The following ATP8B4 variants were observed in gnomAD, a reference collection of about 807,000 sequenced individuals.
ATP8B4 encodes probable phospholipid-transporting ATPase IM.
Under a neutral mutation model 145.6 loss-of-function variants are expected in ATP8B4, and 133 were observed. That is an observed-to-expected ratio of 0.91 (90% confidence interval 0.79 to 1.05). The LOEUF is 1.05. Among genes scored for constraint, ATP8B4 ranks in the 50% least tolerant of loss-of-function variants. ATP8B4 has a pLI of 0.00. For synonymous variants in ATP8B4, 507 were observed against 492.9 expected, an observed-to-expected ratio of 1.03 and a Z score of -0.38; for missense variants, 1,458 against 1,425.2, an observed-to-expected ratio of 1.02 and a Z score of -0.37.
At chr15:49,979,926 G>A (rs1006939705) in intron 11 of ATP8B4, 113 bp from the exon 12 acceptor site, 2 of 665,496 alleles carry the variant, frequency 3.0e-6, no homozygotes, top group East Asian at 5.4e-5. Context: ...AAGCAAGTAT[G>A]CAAACCTCTT....
intron 12 of ATP8B4, among the ~76,000 whole-genome samples, chr15:49,976,143 T>C (rs1347159455): frequency 6.6e-6 from 1 of 152,140 alleles, no homozygotes; most frequent in African/African-American, 2.4e-5. Context: ...CTCCCTGAAA[T>C]TACACTGTGA....
intron 2 of ATP8B4, among the ~76,000 whole-genome samples, chr15:50,099,896 G>A (rs927607530): frequency 9.2e-5 from 14 of 151,948 alleles, no homozygotes; most frequent in African/African-American, 2.7e-4. Flanking sequence ...TTAGCCAGGC[G>A]TAGTGGTGCA....
At chr15:50,029,272 A>G (rs2050260998) in intron 6 of ATP8B4, among the ~76,000 whole-genome samples, 1 of 151,036 alleles carries the variant, frequency 6.6e-6, no homozygotes, top group Admixed American at 6.6e-5. Context: ...AAAATACAGC[A>G]GAATTTTATT....
chr15:50,016,099 A>G (rs1240500138), intron 6 of ATP8B4, among the ~76,000 whole-genome samples: 1 of 152,228 alleles, frequency 6.6e-6, no homozygotes, highest in Non-Finnish European at 1.5e-5. Context: ...AAATAGACAC[A>G]CAATTTAGTC....
intron 5 of ATP8B4, among the ~76,000 whole-genome samples, chr15:50,044,197 A>T (rs138341480): frequency 4.2e-4 from 64 of 152,316 alleles, no homozygotes; most frequent in Non-Finnish European, 7.1e-4. Context: ...TAATGACAAG[A>T]ATGTATAAGA....
intron 3 of ATP8B4, among the ~76,000 whole-genome samples, chr15:50,068,043 G>C (rs747802123): frequency 4.6e-5 from 7 of 152,112 alleles, no homozygotes; most frequent in Non-Finnish European, 1.0e-4. Context: ...TCTTTTCTCA[G>C]AGAAACACAG....
At position 50,025,534 on chromosome 15, in the gene ATP8B4, TG is replaced by T. The variant is rs371453597; in HGVS notation, c.362+13233del. ...TTGCTCCAACTCCTATTACCACCTTTGCCTAGTTAACTCCTAGTCATCATTA... is the reference window on the plus strand; with the variant it reads ...TTGCTCCAACTCCTATTACCACCTTTCCTAGTTAACTCCTAGTCATCATTA... On this transcript the variant is annotated intron_variant, in intron 6 of 27. Coordinates refer to ENST00000284509, the MANE Select transcript of ATP8B4 (RefSeq NM_024837.4). 1.2e-3 allele frequency among the ~76,000 whole-genome samples: 188 copies of T among 152,352 alleles called. 1 individual carries two copies. The highest frequency in any genetic ancestry group is 6.8e-3 in the Middle Eastern group (2 of 294).
chr15:49,911,260 A>G (rs1479886421), intron 20 of ATP8B4, among the ~76,000 whole-genome samples: 1 of 152,074 alleles, frequency 6.6e-6, no homozygotes, highest in Non-Finnish European at 1.5e-5. Context: ...TGTGATCTAT[A>G]TGCTGCCTAC....
intron 25 of ATP8B4, among the ~76,000 whole-genome samples, chr15:49,869,977 G>C (rs2033425417): frequency 6.6e-6 from 1 of 152,088 alleles, no homozygotes; most frequent in Non-Finnish European, 1.5e-5. Flanking sequence ...CCAGCAGATT[G>C]GTAAAAATTA....
At chr15:49,861,520 C>T (rs1460468837) in intron 27 of ATP8B4, among the ~76,000 whole-genome samples, 1 of 151,756 alleles carries the variant, frequency 6.6e-6, no homozygotes, top group African/African-American at 2.4e-5. Context: ...CTCTCAGCAT[C>T]ACTGGCCTGG....
At chr15:50,158,292 T>A (rs1447701384) in intron 1 of ATP8B4, among the ~76,000 whole-genome samples, 3 of 147,998 alleles carry the variant, frequency 2.0e-5, no homozygotes, top group Non-Finnish European at 3.0e-5. Flanking sequence ...CCGGCCGCCA[T>A]CCCATCTAGG....
chr15:50,086,220 TTTA>T (rs1481820697), intron 2 of ATP8B4, among the ~76,000 whole-genome samples: 1 of 101,922 alleles, frequency 9.8e-6, no homozygotes, highest in East Asian at 2.8e-4. Flanking sequence ...GAGATCTATA[TTTA>T]TTATATATAA....
intron 20 of ATP8B4, among the ~76,000 whole-genome samples, chr15:49,913,038 G>A (rs1332326385): frequency 6.6e-6 from 1 of 151,892 alleles, no homozygotes. Context: ...CGCTGAAGTG[G>A]GAGGATCACT....
intron 1 of ATP8B4, among the ~76,000 whole-genome samples, chr15:50,167,101 A>G (rs946558632): frequency 2.0e-5 from 3 of 152,178 alleles, no homozygotes; most frequent in Non-Finnish European, 4.4e-5. Flanking sequence ...AGGTCCTTGT[A>G]CTTTTTTCTA....
intron 14 of ATP8B4, among the ~76,000 whole-genome samples, chr15:49,943,372 CA>C (rs2042314676): frequency 1.3e-5 from 2 of 148,644 alleles, no homozygotes; most frequent in Admixed American, 1.3e-4. Flanking sequence ...TCAAGAAGCC[CA>C]AAGATCACCA....
intron 21 of ATP8B4, 46 bp from the exon 22 acceptor site, chr15:49,898,297 A>C: frequency 2.6e-6 from 4 of 1,545,568 alleles, no homozygotes; most frequent in Non-Finnish European, 3.5e-6. Context: ...GAAACAATAA[A>C]TGAGGGTTGA....
intron 10 of ATP8B4, among the ~76,000 whole-genome samples, chr15:49,985,297 C>A (rs1412678655): frequency 6.6e-6 from 1 of 152,068 alleles, no homozygotes; most frequent in East Asian, 1.9e-4. Context: ...GGGGTTTCAC[C>A]ATGTTAGCCA....
chr15:49,887,422 A>C (rs1226784167), intron 23 of ATP8B4, among the ~76,000 whole-genome samples: 1 of 144,188 alleles, frequency 6.9e-6, no homozygotes, highest in Non-Finnish European at 1.5e-5. Context: ...AGGGATGATG[A>C]CTCTTTTCAG....
chr15:50,015,246 G>A (rs1479808924), intron 6 of ATP8B4, among the ~76,000 whole-genome samples: 1 of 152,198 alleles, frequency 6.6e-6, no homozygotes, highest in East Asian at 1.9e-4. Flanking sequence ...AATAGAGAAA[G>A]AAAATGAAGA....
Sources: gnomAD v4.1 joint callset for allele counts (sites outside exome capture counted in the v4.1 genomes callset) on GRCh38, gnomAD v4.1.1 for gene constraint, MANE v1.5 for transcripts, NCBI Gene and HGNC (gene_info 2026-07-23, HGNC 2026-07-21) for gene names.